The following PLXNA4 variants were observed in gnomAD, a reference collection of about 807,000 sequenced individuals.
The protein encoded by PLXNA4 is plexin A4.
A neutral mutation model predicts 191.8 loss-of-function variants in PLXNA4; 44 were observed. The ratio of observed to expected loss-of-function variants is 0.23; its 90% CI spans 0.18 to 0.29. The LOEUF is 0.29. PLXNA4 is among the 10% of genes least tolerant of loss of function. The pLI is 1.00. For synonymous variants in PLXNA4, 1,082 were observed against 1,009.5 expected (o/e 1.07, Z -1.36); for missense variants, 1,800 against 2,488.8 (o/e 0.72, Z 5.89).
In PLXNA4 at chr7:132,202,560, A is replaced by C. The variant is rs578079237; in HGVS notation, c.2586+86T>G. 266 of 1,339,158 alleles carry C rather than the reference A, an allele frequency of 2.0e-4. 1 individual carries two copies. In the South Asian group the frequency reaches 2.6e-3, roughly 13 times the overall value. 83.0% of individuals were successfully genotyped at this position (1,339,158 alleles called of 1,614,324 possible). A position where few individuals can be genotyped will look rare whatever the true frequency, so the allele number is the denominator to read the frequency against. ...ACCCAGTGACTACTGGGTGACCGAC[A>C]CCACGGCTGGGCAGAGTTTCCACAG... On this transcript the variant is annotated intron_variant, in intron 12 of 31. Coordinates refer to ENST00000321063, the MANE Select transcript of PLXNA4 (RefSeq NM_020911.2).
At chr7:132,550,334 A>C (rs1300571437) in intron 1 of PLXNA4, among the ~76,000 whole-genome samples, 1 of 152,106 alleles carries the variant, frequency 6.6e-6, no homozygotes. Context: ...CCTTTTGAAG[A>C]AGTGTTAAGT....
chr7:132,193,964 G>A (rs1584824388), intron 14 of PLXNA4, 98 bp downstream of exon 14: 1 of 1,479,132 alleles, frequency 6.8e-7, no homozygotes, highest in Admixed American at 2.1e-5. Flanking sequence ...GCAGGCCCTT[G>A]CCCTGGGTTT....
At chr7:132,479,830 T>C (rs1797270278) in intron 3 of PLXNA4, among the ~76,000 whole-genome samples, 1 of 152,026 alleles carries the variant, frequency 6.6e-6, no homozygotes, top group African/African-American at 2.4e-5. Flanking sequence ...TGTTTATTTT[T>C]ATATTTTAGT....
chr7:132,170,588 T>C (rs1383544405), intron 21 of PLXNA4, among the ~76,000 whole-genome samples: 3 of 152,230 alleles, frequency 2.0e-5, no homozygotes, highest in African/African-American at 7.2e-5. Flanking sequence ...ACCAATACCC[T>C]GTGTTCCAGG....
intron 3 of PLXNA4, among the ~76,000 whole-genome samples, chr7:132,311,202 G>GTGTGTGTGTGTGTGTGT (rs1554411105): frequency 6.6e-6 from 1 of 151,068 alleles, no homozygotes; most frequent in African/African-American, 2.4e-5. Flanking sequence ...GTGCGCGTGT[G>GTGTGTGTGTGTGTGTGT]GCCTAAAGGA....
At chr7:132,562,152 TCTCTCCTTCTCCTC>T (rs1801189254) in intron 1 of PLXNA4, among the ~76,000 whole-genome samples, 1 of 67,168 alleles carries the variant, frequency 1.5e-5, no homozygotes, top group Non-Finnish European at 2.8e-5. Context: ...TCCTCCTCCT[TCTCTCCTTCTCCTC>T]CTCCTCTTTC....
chr7:132,575,855 C>T lies in PLXNA4; in HGVS notation c.-87+567G>A, dbSNP rs921004269. On this transcript the variant is annotated intron_variant, in intron 1 of 31. Transcript: ENST00000321063. ...GTTTCATATGCGCCGCCCTACAGAA[C>T]TGCAGCCCCAACCGCCTATCTGGCC... Among the ~76,000 whole-genome samples the T allele has an allele frequency of 1.2e-4, 19 of 152,178 alleles. 1 individual carries two copies.
intron 4 of PLXNA4, among the ~76,000 whole-genome samples, chr7:132,257,036 G>C (rs1263898315): frequency 1.3e-5 from 2 of 152,248 alleles, no homozygotes; most frequent in Non-Finnish European, 2.9e-5. Flanking sequence ...TGAAGACACA[G>C]GTTGGGAGGG....
Position 132,202,853 on chromosome 7 carries a change from C to T in PLXNA4, c.2396-17G>A. ...AGAGGTGAACTGCAGAGGGGAAGGG[C>T]AAGGACAAGGGGTGCTTGGGAATGG... is the stretch of plus-strand genomic sequence containing the variant. On this transcript the variant is annotated splice_polypyrimidine_tract_variant and intron_variant, in intron 11 of 31. Coordinates refer to ENST00000321063, the MANE Select transcript of PLXNA4 (RefSeq NM_020911.2). 1 of 1,538,740 alleles carries T rather than the reference C, an allele frequency of 6.5e-7. No homozygotes were observed. Among genetic ancestry groups the T allele is most frequent in the Non-Finnish European group, 8.8e-7 (1 of 1,139,194 alleles).
chr7:132,488,722 GA>G (rs1021517018), intron 3 of PLXNA4, among the ~76,000 whole-genome samples: 1 of 152,202 alleles, frequency 6.6e-6, no homozygotes, highest in African/African-American at 2.4e-5. Flanking sequence ...AGATGCAGGG[GA>G]AAGGTCAGGT....
chr7:132,485,786 C>T lies in PLXNA4; in HGVS notation c.1371+3506G>A, dbSNP rs569089078. Among the ~76,000 whole-genome samples the T allele has an allele frequency of 1.6e-4, 25 of 152,300 alleles. No homozygotes were observed. The South Asian group carries it at 2.5e-3, about 15-fold the overall frequency. ...AGGAAGAGGCTGCCAATACCATCTG[C>T]AACACACACACATCAGAAAACATCA... On this transcript the variant is annotated intron_variant, in intron 3 of 31. Coordinates refer to ENST00000321063, the MANE Select transcript of PLXNA4 (RefSeq NM_020911.2).
chr7:132,244,908 A>T (rs901612683), intron 4 of PLXNA4, among the ~76,000 whole-genome samples: 2 of 152,192 alleles, frequency 1.3e-5, no homozygotes, highest in African/African-American at 4.8e-5. Flanking sequence ...ACACCTTGCT[A>T]GTATGTTGCA....
Position 132,262,182 on chromosome 7 carries a change from C to G in PLXNA4, c.1504-21016G>C, listed in dbSNP as rs553993695. ...AAAATCAATTTTAATTATAAAAATC[C>G]GTTTACTGTATCAATAAATCATTCT... On this transcript the variant is annotated intron_variant, in intron 4 of 31. Transcript: ENST00000321063. Among the ~76,000 whole-genome samples the G allele has an allele frequency of 3.3e-5, 5 of 152,232 alleles. No homozygotes were observed. In the South Asian group the frequency reaches 1.0e-3, roughly 32 times the overall value.
intron 5 of PLXNA4, among the ~76,000 whole-genome samples, chr7:132,237,717 C>A (rs778874934): frequency 6.6e-6 from 1 of 152,238 alleles, no homozygotes; most frequent in African/African-American, 2.4e-5. Context: ...ATATCAATCA[C>A]CTCTTTTTAT....
chr7:132,634,822 A>T (rs1163089100), intron 2 of PLXNA4, among the ~76,000 whole-genome samples: 1 of 152,130 alleles, frequency 6.6e-6, no homozygotes, highest in East Asian at 1.9e-4. Context: ...ACTTTGAAGG[A>T]TGCAAAATAT....
Position 132,326,308 on chromosome 7 carries a change from T to G in PLXNA4, c.1372-28086A>C, listed in dbSNP as rs551182880. Among the ~76,000 whole-genome samples the G allele has an allele frequency of 5.0e-4, 76 of 152,336 alleles. 1 individual carries two copies. The South Asian group carries it at 0.016, about 32-fold the overall frequency. Reference sequence around the variant, plus strand: ...AGATGAGGGAACTTCCCAGCCTCCATAGTCCTATGAGACAATTCTTTACAA... The same window carrying G: ...AGATGAGGGAACTTCCCAGCCTCCAGAGTCCTATGAGACAATTCTTTACAA... On this transcript the variant is annotated intron_variant, in intron 3 of 31. Coordinates refer to ENST00000321063, the MANE Select transcript of PLXNA4 (RefSeq NM_020911.2).
At chr7:132,401,561 G>A (rs1429885517) in intron 3 of PLXNA4, among the ~76,000 whole-genome samples, 2 of 152,184 alleles carry the variant, frequency 1.3e-5, no homozygotes, top group South Asian at 4.1e-4. Context: ...GACGCATAAG[G>A]TTAGAGGAAG....
intron 2 of PLXNA4, among the ~76,000 whole-genome samples, chr7:132,498,732 C>T (rs1226318535): frequency 1.3e-5 from 2 of 152,128 alleles, no homozygotes; most frequent in African/African-American, 4.8e-5. Flanking sequence ...GGCCCCAGTT[C>T]TCAAGAACCA....
At chr7:132,203,257 C>T (rs923193858) in intron 11 of PLXNA4, 66 bp downstream of exon 11, 43 of 1,437,036 alleles carry the variant, frequency 3.0e-5, no homozygotes, top group South Asian at 1.5e-4. Flanking sequence ...GAATGCAGGA[C>T]GGCTCCTTCC....
Sources: gnomAD v4.1 joint callset for allele counts (sites outside exome capture counted in the v4.1 genomes callset) on GRCh38, gnomAD v4.1.1 for gene constraint, MANE v1.5 for transcripts, NCBI Gene and HGNC (gene_info 2026-07-23, HGNC 2026-07-21) for gene names.